Variants in ECRG4 observed in about 807,000 individuals in gnomAD.
ECRG4 encodes the protein ECRG4 augurin precursor.
ECRG4 carries 18 observed loss-of-function variants against 15.8 expected under a neutral mutation model. The observed-to-expected ratio is 1.14, with a 90% confidence interval of 0.79 to 1.69. ECRG4 has a LOEUF of 1.69. ECRG4 is among the 40% of genes most tolerant of loss of function. The pLI is 0.00. For synonymous variants in ECRG4, 82 were observed against 73.9 expected (o/e 1.11, Z -0.56); for missense variants, 200 against 190.9 (o/e 1.05, Z -0.28).
intron 1 of ECRG4, among the ~76,000 whole-genome samples, chr2:106,069,986 A>G (rs1676327700): frequency 6.6e-6 from 1 of 152,172 alleles, no homozygotes; most frequent in South Asian, 2.1e-4. Context: ...CACTACGCCG[A>G]TATCTTAGCT....
At chr2:106,074,064 C>T in intron 3 of ECRG4, 21 bp downstream of exon 3, 1 of 1,608,498 alleles carries the variant, frequency 6.2e-7, no homozygotes, top group Non-Finnish European at 8.5e-7. Context: ...CCTCCGGCTG[C>T]AGGCCTGGCT....
At chr2:106,077,173 G>A (rs1676505239) in intron 3 of ECRG4, among the ~76,000 whole-genome samples, 1 of 152,214 alleles carries the variant, frequency 6.6e-6, no homozygotes, top group African/African-American at 2.4e-5. Flanking sequence ...CACAGGGCAT[G>A]ACACACAGTG....
upstream of ECRG4, among the ~76,000 whole-genome samples, chr2:106,065,400 C>G (rs1676186306): frequency 6.6e-6 from 1 of 152,218 alleles, no homozygotes; most frequent in Non-Finnish European, 1.5e-5. Context: ...TGCCTTCTGC[C>G]CTTCCTTGGG....
chr2:106,077,648 AG>A (rs372087455), intron 3 of ECRG4, 116 bp from the exon 4 acceptor site: 36 of 883,990 alleles, frequency 4.1e-5, no homozygotes, highest in South Asian at 2.4e-4. Flanking sequence ...GGAGTTACTA[AG>A]GGTTGTTAAT....
intron 1 of ECRG4, among the ~76,000 whole-genome samples, chr2:106,066,978 C>T (rs1020275560): frequency 9.7e-5 from 14 of 144,510 alleles, no homozygotes; most frequent in Non-Finnish European, 1.5e-4. Flanking sequence ...CTGCCTCCCA[C>T]TCTTTGTTCT....
At chr2:106,077,631 G>A (rs535469654) in intron 3 of ECRG4, 134 bp from the exon 4 acceptor site, 2 of 756,994 alleles carry the variant, frequency 2.6e-6, no homozygotes, top group South Asian at 1.9e-5. Flanking sequence ...CAAGAATACG[G>A]TAACAGGGAG....
intron 1 of ECRG4, among the ~76,000 whole-genome samples, chr2:106,070,603 A>G (rs1676342074): frequency 6.6e-6 from 1 of 152,222 alleles, no homozygotes; most frequent in African/African-American, 2.4e-5. Flanking sequence ...TTCTTTGTGC[A>G]GAGGTTCTCT....
intron 3 of ECRG4, among the ~76,000 whole-genome samples, chr2:106,077,444 T>A (rs908329056): frequency 1.1e-4 from 16 of 152,186 alleles, no homozygotes; most frequent in Admixed American, 1.0e-3. Context: ...CAGGCCAAGT[T>A]GTTATGGTAT....
intron 1 of ECRG4, among the ~76,000 whole-genome samples, chr2:106,069,299 TTCC>T (rs1423453795): frequency 1.3e-5 from 2 of 149,070 alleles, no homozygotes; most frequent in East Asian, 1.9e-4. Context: ...CTTTCTTTCC[TTCC>T]TTCCTTCCTT....
chr2:106,076,966 C>T (rs1676501230), intron 3 of ECRG4, among the ~76,000 whole-genome samples: 1 of 152,176 alleles, frequency 6.6e-6, no homozygotes, highest in African/African-American at 2.4e-5. Context: ...ATTAGTCTCT[C>T]CTTTAAAAAA....
At chr2:106,069,319 TTCTC>T (rs1169560519) in intron 1 of ECRG4, among the ~76,000 whole-genome samples, 15 of 150,248 alleles carry the variant, frequency 1.0e-4, no homozygotes, top group South Asian at 2.1e-4. Context: ...CCTTCTTTCT[TTCTC>T]TCTCTCTTTC....
intron 1 of ECRG4, chr2:106,071,105 C>G: frequency 2.2e-6 from 1 of 447,354 alleles, no homozygotes; most frequent in East Asian, 7.0e-5. Flanking sequence ...TTAGGGTGAT[C>G]TGGGCAAGCT....
intron 1 of ECRG4, among the ~76,000 whole-genome samples, chr2:106,070,259 C>T (rs1469399999): frequency 1.3e-5 from 2 of 152,214 alleles, no homozygotes; most frequent in Non-Finnish European, 2.9e-5. Context: ...GGCCACCCTA[C>T]CCGTGAATTA....
chr2:106,065,929 C>G, intron 1 of ECRG4, 86 bp downstream of exon 1: 1 of 1,220,638 alleles, frequency 8.2e-7, no homozygotes, highest in Non-Finnish European at 1.1e-6. Flanking sequence ...GGAGAGCGAT[C>G]GGTGATGGGG....
intron 3 of ECRG4, 93 bp from the exon 4 acceptor site, chr2:106,077,672 A>G (rs1676513754): frequency 8.3e-7 from 1 of 1,204,626 alleles, no homozygotes; most frequent in Non-Finnish European, 1.2e-6. Context: ...TTGAAGAAAA[A>G]CCACCATGAA....
intron 2 of ECRG4, among the ~76,000 whole-genome samples, chr2:106,072,829 G>A (rs1452772880): frequency 6.6e-6 from 1 of 152,192 alleles, no homozygotes; most frequent in African/African-American, 2.4e-5. Context: ...TTACCTCACG[G>A]ATGCCCAGGG....
chr2:106,076,877 A>T (rs1047766960), intron 3 of ECRG4, among the ~76,000 whole-genome samples: 1 of 152,074 alleles, frequency 6.6e-6, no homozygotes, highest in African/African-American at 2.4e-5. Flanking sequence ...CTCACACTAA[A>T]TCTCTTGCGA....
upstream of ECRG4, chr2:106,063,392 G>A (rs911300331): frequency 1.2e-4 from 18 of 152,276 alleles, 1 homozygote; most frequent in Admixed American, 1.1e-3. Context: ...ATTTTGTTTA[G>A]CAGCCCAAAT....
chr2:106,068,443 GTGTATAGTAC>G (rs1191234444), intron 1 of ECRG4, among the ~76,000 whole-genome samples: 1 of 152,180 alleles, frequency 6.6e-6, no homozygotes, highest in Non-Finnish European at 1.5e-5. Context: ...ATGGAGTTCA[GTGTATAGTAC>G]CTGGCACAGC....
Sources: allele counts gnomAD v4.1 joint callset (sites outside exome capture counted in the v4.1 genomes callset), GRCh38; gene constraint gnomAD v4.1.1; transcripts MANE v1.5; gene names NCBI Gene and HGNC (gene_info 2026-07-23, HGNC 2026-07-21).